Variants in CALN1 observed in about 807,000 individuals in gnomAD.
The protein encoded by CALN1 is calneuron 1.
A neutral mutation model predicts 30.6 loss-of-function variants in CALN1; 17 were observed. That is an observed-to-expected ratio of 0.56 (90% CI 0.38 to 0.83). The LOEUF (loss-of-function observed/expected upper bound fraction) is 0.83. CALN1 is among the 40% of genes least tolerant of loss of function. The pLI is 0.00. For synonymous variants in CALN1, 156 were observed against 131.4 expected (o/e 1.19, Z -1.28); for missense variants, 291 against 354.9 (o/e 0.82, Z 1.45).
chr7:72,194,508 C>T (rs1444999908), intron 3 of CALN1, among the ~76,000 whole-genome samples: 1 of 151,382 alleles, frequency 6.6e-6, no homozygotes, highest in Non-Finnish European at 1.5e-5. Context: ...TCAGCCTGGG[C>T]GACAGAGTAA....
At chr7:72,303,473 C>T (rs986888505) in intron 2 of CALN1, among the ~76,000 whole-genome samples, 1 of 151,658 alleles carries the variant, frequency 6.6e-6, no homozygotes, top group Non-Finnish European at 1.5e-5. Flanking sequence ...AGGACAATCC[C>T]TTAAACCTGG....
intron 5 of CALN1, among the ~76,000 whole-genome samples, chr7:71,895,908 A>C (rs1306389623): frequency 2.0e-5 from 3 of 152,168 alleles, no homozygotes; most frequent in African/African-American, 7.2e-5. Context: ...CTTAGATTCT[A>C]AACTAATAGG....
rs80346205 is a variant in CALN1 at position 71,974,683 on chromosome 7, G to T, written c.501+48974C>A. Among the ~76,000 whole-genome samples, 683 of 152,244 alleles carry T rather than the reference G, an allele frequency of 4.5e-3. 4 individuals are homozygous for T. The highest frequency in any genetic ancestry group is 0.015 in the African/African-American group (640 of 41,552). On this transcript the variant is annotated intron_variant, in intron 5 of 6. Transcript: ENST00000395275. ...TGGGCAGGTATTGGCAAGTTCTGGG[G>T]AACAAACCATCCGCAGAGATGTCTG... is the stretch of plus-strand genomic sequence containing the variant.
chr7:72,393,742 CTT>C (rs11302119), intron 2 of CALN1, among the ~76,000 whole-genome samples: 1,330 of 125,744 alleles, frequency 0.011, 11 homozygotes, highest in African/African-American at 0.025. Context: ...GACCATAGAG[CTT>C]TTTTTTTTTT....
At chr7:71,986,605 G>C (rs1348879182) in intron 5 of CALN1, among the ~76,000 whole-genome samples, 1 of 152,164 alleles carries the variant, frequency 6.6e-6, no homozygotes, top group Admixed American at 6.5e-5. Flanking sequence ...ACAGAAAAAT[G>C]TGGTTAGAAA....
intron 4 of CALN1, among the ~76,000 whole-genome samples, chr7:72,041,281 T>C (rs536943811): frequency 5.4e-4 from 82 of 152,114 alleles, no homozygotes; most frequent in African/African-American, 1.8e-3. Flanking sequence ...GAGGGCCAAG[T>C]AGGATGAAGA....
At chr7:72,217,322 G>A (rs1038295530) in intron 3 of CALN1, among the ~76,000 whole-genome samples, 5 of 152,088 alleles carry the variant, frequency 3.3e-5, no homozygotes, top group South Asian at 4.1e-4. Context: ...CAGGAGCCTC[G>A]GGGTGGAGGC....
the CALN1 span, among the ~76,000 whole-genome samples, chr7:72,487,890 A>AAAAC: frequency 1.7e-5 from 1 of 60,260 alleles, no homozygotes; most frequent in Non-Finnish European, 3.0e-5. Context: ...GAAAGAAAAG[A>AAAAC]AAAGAAAGAA....
At chr7:71,897,958 A>AAAAAAAC (rs1562881735) in intron 5 of CALN1, among the ~76,000 whole-genome samples, 1 of 122,546 alleles carries the variant, frequency 8.2e-6, no homozygotes, top group Admixed American at 8.8e-5. Flanking sequence ...GTAGTGTTGG[A>AAAAAAAC]AAAAAACAAA....
At chr7:72,198,746 T>C (rs1423478879) in intron 3 of CALN1, among the ~76,000 whole-genome samples, 1 of 152,170 alleles carries the variant, frequency 6.6e-6, no homozygotes, top group Non-Finnish European at 1.5e-5. Flanking sequence ...ACCAACTGTG[T>C]CACTTTGCAC....
chr7:72,504,032 C>T, the CALN1 span, among the ~76,000 whole-genome samples: 1 of 152,038 alleles, frequency 6.6e-6, no homozygotes, highest in Non-Finnish European at 1.5e-5. Context: ...AGGAAAATAA[C>T]GAAGAGAAAA....
rs552572631 is a variant in CALN1, at chr7:72,007,378, T to A, written c.501+16279A>T. 6.6e-5 allele frequency among the ~76,000 whole-genome samples: 10 copies of A among 152,248 alleles called. No homozygotes were observed. The South Asian group carries it at 2.1e-3, about 32-fold the overall frequency. The stretch of plus-strand genomic sequence containing the variant: ...CTGGCAAACATGGAGAAACCCTGTC[T>A]CTACTAAACATACAAAAAATTAGCT... On this transcript the variant is annotated intron_variant, in intron 5 of 6. Coordinates refer to ENST00000395275, the MANE Select transcript of CALN1 (RefSeq NM_031468.4).
At chr7:72,037,775 G>T (rs1335219469) in intron 4 of CALN1, among the ~76,000 whole-genome samples, 1 of 151,822 alleles carries the variant, frequency 6.6e-6, no homozygotes, top group African/African-American at 2.4e-5. Context: ...TGAATATCTT[G>T]TCTCTATGCC....
At chr7:72,400,989 C>T (rs1806298992) in intron 2 of CALN1, among the ~76,000 whole-genome samples, 1 of 152,200 alleles carries the variant, frequency 6.6e-6, no homozygotes, top group South Asian at 2.1e-4. Flanking sequence ...TGCATAACCA[C>T]TCAGGCCACT....
intron 5 of CALN1, among the ~76,000 whole-genome samples, chr7:71,987,303 G>A (rs867317274): frequency 2.0e-5 from 3 of 152,320 alleles, no homozygotes; most frequent in East Asian, 1.9e-4. Flanking sequence ...CTGTGAACAC[G>A]AGGAACCACT....
chr7:72,142,728 T>C (rs909654693), intron 3 of CALN1, among the ~76,000 whole-genome samples: 9 of 152,106 alleles, frequency 5.9e-5, no homozygotes, highest in Admixed American at 3.9e-4. Context: ...CACCCCCCAG[T>C]AGGGGCAGAC....
chr7:72,131,643 A>G (rs758755769), intron 3 of CALN1, among the ~76,000 whole-genome samples: 1 of 152,154 alleles, frequency 6.6e-6, no homozygotes, highest in Non-Finnish European at 1.5e-5. Context: ...TTCACACTCT[A>G]AAATTTTTAA....
chr7:71,923,350 G>A (rs1026252091), intron 5 of CALN1, among the ~76,000 whole-genome samples: 2 of 152,100 alleles, frequency 1.3e-5, no homozygotes, highest in African/African-American at 4.8e-5. Context: ...TATAATCAAC[G>A]GCTTCAAAGG....
At chr7:72,382,075 A>G (rs1390150109) in intron 2 of CALN1, among the ~76,000 whole-genome samples, 1 of 152,204 alleles carries the variant, frequency 6.6e-6, no homozygotes, top group African/African-American at 2.4e-5. Context: ...GGATAAAATC[A>G]CTGCAATGTA....
Sources: allele counts gnomAD v4.1 joint callset (sites outside exome capture counted in the v4.1 genomes callset), GRCh38; gene constraint gnomAD v4.1.1; transcripts MANE v1.5; gene names NCBI Gene and HGNC (gene_info 2026-07-23, HGNC 2026-07-21).